The following C12orf42 variants were observed in gnomAD, a reference collection of about 807,000 sequenced individuals.
The protein encoded by C12orf42 is chromosome 12 open reading frame 42, also known as uncharacterized protein C12orf42.
Under a neutral mutation model 21.6 loss-of-function variants are expected in C12orf42, and 25 were observed. The ratio of observed to expected loss-of-function variants is 1.16; its 90% CI spans 0.84 to 1.62. The LOEUF is 1.62. C12orf42 is among the 40% of genes most tolerant of loss of function. C12orf42 has a pLI of 0.00. For synonymous variants in C12orf42, 174 were observed against 175.0 expected, an observed-to-expected ratio of 0.99 and a Z score of 0.05; for missense variants, 483 against 459.3, an observed-to-expected ratio of 1.05 and a Z score of -0.47.
chr12:103,235,472 A>T (rs955599387), downstream of C12orf42, among the ~76,000 whole-genome samples: 1 of 152,164 alleles, frequency 6.6e-6, no homozygotes, highest in African/African-American at 2.4e-5. Flanking sequence ...TGAGGTAAAT[A>T]CCAATCGGTC....
At chr12:103,121,527 C>CATGGA in the C12orf42 span, among the ~76,000 whole-genome samples, 1 of 152,160 alleles carries the variant, frequency 6.6e-6, no homozygotes, top group Non-Finnish European at 1.5e-5. Context: ...GCCATTTGGG[C>CATGGA]ATGGAAGAAT....
the C12orf42 span, among the ~76,000 whole-genome samples, chr12:103,207,587 G>A: frequency 1.3e-5 from 2 of 152,196 alleles, no homozygotes; most frequent in South Asian, 2.1e-4. Flanking sequence ...TAATATGACA[G>A]CCATGGATTT....
At chr12:103,532,128 T>C in the C12orf42 span, among the ~76,000 whole-genome samples, 1 of 152,210 alleles carries the variant, frequency 6.6e-6, no homozygotes, top group Non-Finnish European at 1.5e-5. Context: ...CTCCATTTTA[T>C]AGTTGAAGAA....
chr12:103,385,370 C>T (rs188389138), intron 3 of C12orf42, among the ~76,000 whole-genome samples: 55 of 152,248 alleles, frequency 3.6e-4, no homozygotes, highest in African/African-American at 1.3e-3. Flanking sequence ...AATACCGTGT[C>T]AAATCTATTG....
intron 3 of C12orf42, among the ~76,000 whole-genome samples, chr12:103,383,020 T>C (rs2046314749): frequency 6.6e-6 from 1 of 152,228 alleles, no homozygotes; most frequent in Non-Finnish European, 1.5e-5. Flanking sequence ...ATCAGGAATA[T>C]GCACCTGTAC....
chr12:103,296,005 CCTCCCCA>C (rs2037249640), intron 4 of C12orf42, among the ~76,000 whole-genome samples: 1 of 109,878 alleles, frequency 9.1e-6, no homozygotes, highest in Non-Finnish European at 1.8e-5. Flanking sequence ...CAATGCTATC[CCTCCCCA>C]CTCCCCCCAC....
rs534718836 is a variant in C12orf42 at position 103,352,916 on chromosome 12, A to G, written c.259+15971T>C. ...AGTTGTTTCTGTGGTTGAATTAGACATAGACCAACTGGTCGTGTCCCAAAA... is the reference window on the plus strand; with the variant it reads ...AGTTGTTTCTGTGGTTGAATTAGACGTAGACCAACTGGTCGTGTCCCAAAA... On this transcript the variant is annotated intron_variant, in intron 4 of 5. Transcript: ENST00000548883. Among the ~76,000 whole-genome samples, 7 of 152,308 alleles carry G rather than the reference A, an allele frequency of 4.6e-5. No individual in the cohort carries two copies. The South Asian group carries it at 1.2e-3, about 27-fold the overall frequency.
the C12orf42 span, among the ~76,000 whole-genome samples, chr12:103,542,157 G>T: frequency 6.7e-3 from 1,026 of 152,300 alleles, 5 homozygotes; most frequent in Middle Eastern, 0.051. Context: ...AGCAGTCAAA[G>T]AAAAAGTTTT....
At chr12:103,259,346 T>A (rs546804954) in intron 10 of C12orf42, among the ~76,000 whole-genome samples, 54 of 152,294 alleles carry the variant, frequency 3.5e-4, no homozygotes, top group African/African-American at 1.3e-3. Context: ...TGATGCAATC[T>A]TGGCTCACTG....
At chr12:103,481,594 A>C (rs1954474185) in intron 1 of C12orf42, among the ~76,000 whole-genome samples, 1 of 151,698 alleles carries the variant, frequency 6.6e-6, no homozygotes, top group Admixed American at 6.6e-5. Context: ...TTGAACTTTT[A>C]ACATTTTTGT....
chr12:103,390,387 TCAC>T (rs1445503679), intron 3 of C12orf42, among the ~76,000 whole-genome samples: 2 of 152,198 alleles, frequency 1.3e-5, no homozygotes, highest in East Asian at 3.8e-4. Flanking sequence ...TCAATAATCA[TCAC>T]CACTATTTCC....
chr12:103,229,373 C>T, the C12orf42 span, among the ~76,000 whole-genome samples: 1 of 152,178 alleles, frequency 6.6e-6, no homozygotes, highest in Non-Finnish European at 1.5e-5. Flanking sequence ...GGTTGCTTTG[C>T]TTTGAGATTC....
chr12:103,495,534 G>C (rs922697262), intron 1 of C12orf42, among the ~76,000 whole-genome samples: 6 of 152,088 alleles, frequency 3.9e-5, no homozygotes, highest in African/African-American at 9.7e-5. Flanking sequence ...GGCCGCGCTC[G>C]CCTCCGCGGG....
At chr12:103,162,215 G>A in the C12orf42 span, among the ~76,000 whole-genome samples, 2 of 152,176 alleles carry the variant, frequency 1.3e-5, no homozygotes, top group Non-Finnish European at 2.9e-5. Flanking sequence ...TCGGTAAAGA[G>A]GCAGCACTTT....
intron 2 of C12orf42, among the ~76,000 whole-genome samples, chr12:103,451,016 T>C (rs1951900651): frequency 6.6e-6 from 1 of 152,062 alleles, no homozygotes; most frequent in Admixed American, 6.6e-5. Flanking sequence ...CACAGTTGTT[T>C]TCAAGACATC....
At chr12:103,236,908 A>G (rs891966370), downstream of C12orf42, among the ~76,000 whole-genome samples, 1 of 152,212 alleles carries the variant, frequency 6.6e-6, no homozygotes, top group African/African-American at 2.4e-5. Context: ...TCCTGCTCAC[A>G]AAAAGGACTA....
chr12:103,554,607 G>C, the C12orf42 span, among the ~76,000 whole-genome samples: 1 of 151,956 alleles, frequency 6.6e-6, no homozygotes, highest in Non-Finnish European at 1.5e-5. Context: ...ATCAGCTTTT[G>C]GTTCTATGGG....
chr12:103,545,640 G>A, the C12orf42 span, among the ~76,000 whole-genome samples: 1 of 152,170 alleles, frequency 6.6e-6, no homozygotes, highest in Non-Finnish European at 1.5e-5. Context: ...TGCATTGATG[G>A]TTTAGGTGTT....
At chr12:103,346,741 T>C (rs112607852) in intron 4 of C12orf42, among the ~76,000 whole-genome samples, 1 of 152,220 alleles carries the variant, frequency 6.6e-6, no homozygotes, top group Non-Finnish European at 1.5e-5. Context: ...CAATACGCCA[T>C]CTGTATCCAG....
Sources: gnomAD v4.1 joint callset for allele counts (sites outside exome capture counted in the v4.1 genomes callset) on GRCh38, gnomAD v4.1.1 for gene constraint, MANE v1.5 for transcripts, NCBI Gene and HGNC (gene_info 2026-07-23, HGNC 2026-07-21) for gene names.